Variants in MIA2 observed in about 807,000 individuals in gnomAD.
The protein encoded by MIA2 is melanoma inhibitory activity protein 2.
In MIA2, 127 loss-of-function variants were observed where a neutral mutation model predicts 167.8. The observed-to-expected ratio is 0.76, with a 90% CI of 0.66 to 0.88. The LOEUF (loss-of-function observed/expected upper bound fraction) is 0.88, where lower values mean the gene tolerates loss of function less well. Among genes scored for constraint, MIA2 ranks in the 40% least tolerant of loss-of-function variants. The pLI is 0.00. For missense variants in MIA2, 1,690 were observed against 1,624.7 expected (o/e 1.04, Z -0.69); for synonymous variants, 552 against 541.9 (o/e 1.02, Z -0.26).
chr14:39,270,665 G>A (rs2056988839), intron 6 of MIA2, among the ~76,000 whole-genome samples: 1 of 152,040 alleles, frequency 6.6e-6, no homozygotes, highest in African/African-American at 2.4e-5. Flanking sequence ...GAGTGCTGGT[G>A]TTACAGATGT....
At chr14:39,323,402 A>T (rs902536156) in intron 24 of MIA2, among the ~76,000 whole-genome samples, 1 of 152,088 alleles carries the variant, frequency 6.6e-6, no homozygotes, top group Admixed American at 6.5e-5. Flanking sequence ...ACTGATTTTG[A>T]CATTGACATG....
chr14:39,277,166 A>G, intron 7 of MIA2, 101 bp downstream of exon 7: 3 of 1,416,614 alleles, frequency 2.1e-6, no homozygotes, highest in Non-Finnish European at 2.8e-6. Flanking sequence ...CAAGTTAGAA[A>G]CTACATAGGG....
chr14:39,311,058 T>C (rs1487240840), intron 18 of MIA2, among the ~76,000 whole-genome samples: 1 of 152,194 alleles, frequency 6.6e-6, no homozygotes, highest in Admixed American at 6.5e-5. Flanking sequence ...TTATAGAATT[T>C]TGATGAGTAA....
At chr14:39,245,801 CA>C (rs2054276151) in intron 3 of MIA2, among the ~76,000 whole-genome samples, 1 of 152,098 alleles carries the variant, frequency 6.6e-6, no homozygotes, top group Admixed American at 6.6e-5. Context: ...GCATTAATCC[CA>C]CCCATTCTGC....
intron 9 of MIA2, among the ~76,000 whole-genome samples, chr14:39,280,858 T>G (rs1364582292): frequency 1.3e-5 from 2 of 151,974 alleles, no homozygotes; most frequent in Non-Finnish European, 2.9e-5. Context: ...TTTGTCCTTA[T>G]TGGGGTTTAT....
At chr14:39,336,864 G>A (rs1020542508) in intron 25 of MIA2, among the ~76,000 whole-genome samples, 12 of 152,114 alleles carry the variant, frequency 7.9e-5, no homozygotes, top group African/African-American at 2.7e-4. Flanking sequence ...TCCCCTCTCA[G>A]CCTCCCAAGT....
intron 7 of MIA2, among the ~76,000 whole-genome samples, chr14:39,278,017 G>A (rs567421930): frequency 2.8e-4 from 42 of 151,250 alleles, no homozygotes; most frequent in African/African-American, 9.2e-4. Flanking sequence ...CCTGTCACCC[G>A]GGCTGGAGCG....
chr14:39,387,344 T>G, exon 24 of MIA2: 1 of 166,516 alleles, frequency 6.0e-6, no homozygotes. Context: ...AAGGAGTCCA[T>G]TCCATGGAAT....
intron 6 of MIA2, among the ~76,000 whole-genome samples, chr14:39,268,440 TAAGAG>T (rs1355955364): frequency 6.9e-6 from 1 of 145,500 alleles, no homozygotes; most frequent in Non-Finnish European, 1.5e-5. Flanking sequence ...TGTTGTCTGT[TAAGAG>T]AGAGAAGACA....
intron 3 of MIA2, among the ~76,000 whole-genome samples, chr14:39,243,785 G>A (rs968624944): frequency 3.9e-5 from 6 of 152,182 alleles, no homozygotes; most frequent in Non-Finnish European, 8.8e-5. Context: ...AGAATTGCTT[G>A]AACCCGGGAG....
chr14:39,383,562 C>A (rs934816767), intron 23 of MIA2, among the ~76,000 whole-genome samples: 7 of 152,180 alleles, frequency 4.6e-5, no homozygotes, highest in Non-Finnish European at 1.0e-4. Flanking sequence ...CTATGTCTCT[C>A]ACTTCAAATC....
intron 23 of MIA2, among the ~76,000 whole-genome samples, chr14:39,359,872 A>C (rs993747156): frequency 5.3e-5 from 8 of 152,150 alleles, no homozygotes; most frequent in African/African-American, 1.9e-4. Flanking sequence ...AGGATCATAC[A>C]GTAGTTCTAA....
At chr14:39,288,952 G>T (rs1233542389) in intron 9 of MIA2, among the ~76,000 whole-genome samples, 1 of 152,064 alleles carries the variant, frequency 6.6e-6, no homozygotes, top group Admixed American at 6.6e-5. Flanking sequence ...TGGTTTCTTG[G>T]TCTGGCTTAG....
Position 39,265,923 on chromosome 14 carries a change from T to C in MIA2, c.1888-11011T>C, listed in dbSNP as rs118132193. ...TGGAGAATTACTAAGCAATTTTGGC[T>C]ACTCTGATATTAGCATTTCCTGAAA... On this transcript the variant is annotated intron_variant, in intron 6 of 28. Coordinates refer to ENST00000640607, the MANE Select transcript of MIA2 (RefSeq NM_001329214.4). 4.3e-5 allele frequency: 42 copies of C among 965,622 alleles called. 1 individual carries two copies. In the East Asian group the frequency reaches 4.5e-3, roughly 103 times the overall value. The allele number at this position is 965,622 out of a possible 1,614,324, so 59.8% of individuals were successfully genotyped here.
intron 3 of MIA2, among the ~76,000 whole-genome samples, chr14:39,243,776 G>T (rs368884697): frequency 6.6e-6 from 1 of 152,180 alleles, no homozygotes; most frequent in South Asian, 2.1e-4. Context: ...TGAGACAGGA[G>T]AATTGCTTGA....
intron 24 of MIA2, among the ~76,000 whole-genome samples, chr14:39,325,681 T>C (rs2067395422): frequency 6.6e-6 from 1 of 151,246 alleles, no homozygotes; most frequent in Non-Finnish European, 1.5e-5. Context: ...TTTTTTTATA[T>C]TTGTCTTTTC....
intron 6 of MIA2, among the ~76,000 whole-genome samples, chr14:39,260,043 C>CT (rs963360740): frequency 1.3e-5 from 2 of 152,090 alleles, no homozygotes; most frequent in African/African-American, 4.8e-5. Flanking sequence ...TGAACTCACC[C>CT]TTTTTTATGG....
At chr14:39,309,253 C>T (rs2063824323) in intron 18 of MIA2, among the ~76,000 whole-genome samples, 1 of 152,206 alleles carries the variant, frequency 6.6e-6, no homozygotes, top group African/African-American at 2.4e-5. Flanking sequence ...TGCAGGATGA[C>T]CCTTAAAATG....
chr14:39,252,346 A>G (rs1371286512), intron 4 of MIA2, among the ~76,000 whole-genome samples: 1 of 152,172 alleles, frequency 6.6e-6, no homozygotes, highest in African/African-American at 2.4e-5. Context: ...AGAGATTAGA[A>G]GATGCTACAC....
Sources: allele counts gnomAD v4.1 joint callset (sites outside exome capture counted in the v4.1 genomes callset), GRCh38; gene constraint gnomAD v4.1.1; transcripts MANE v1.5; gene names NCBI Gene and HGNC (gene_info 2026-07-23, HGNC 2026-07-21).